Variants in ZNF724 observed in about 807,000 individuals in gnomAD.
ZNF724 encodes zinc finger protein 724 pseudogene.
In ZNF724, 14 loss-of-function variants were observed where a neutral mutation model predicts 29.3. The observed-to-expected ratio is 0.48, with a 90% CI of 0.32 to 0.75. The LOEUF (loss-of-function observed/expected upper bound fraction) is 0.75. Among genes scored for constraint, ZNF724 ranks in the 30% least tolerant of loss-of-function variants. The pLI is 0.04. For missense variants in ZNF724, 557 were observed against 571.2 expected (o/e 0.98, Z 0.25); for synonymous variants, 180 against 193.6 (o/e 0.93, Z 0.58).
chr19:23,238,414 A>C (rs577239754), intron 1 of ZNF724, among the ~76,000 whole-genome samples: 54 of 152,270 alleles, frequency 3.5e-4, no homozygotes, highest in African/African-American at 1.3e-3. Flanking sequence ...AATGGTTCTG[A>C]GGTCCTAGAT....
At chr19:23,232,433 A>G (rs762633908) in intron 1 of ZNF724, 140 bp from the exon 2 acceptor site, 2 of 593,676 alleles carry the variant, frequency 3.4e-6, no homozygotes, top group Non-Finnish European at 6.1e-6. Flanking sequence ...GTAATTTTAA[A>G]GACAGAAATA....
intron 1 of ZNF724, among the ~76,000 whole-genome samples, chr19:23,239,605 T>C (rs542579652): frequency 2.6e-5 from 4 of 152,150 alleles, no homozygotes; most frequent in East Asian, 3.9e-4. Flanking sequence ...CACTAACTAC[T>C]CACATCAAAA....
intron 3 of ZNF724, among the ~76,000 whole-genome samples, chr19:23,228,935 G>A (rs539568527): frequency 3.3e-5 from 5 of 151,628 alleles, no homozygotes; most frequent in African/African-American, 9.7e-5. Context: ...ATGGTGGCGC[G>A]TGCTTATAAT....
chr19:23,223,491 TC>T lies in ZNF724; in HGVS notation c.753del (p.Lys252AsnfsTer23). ...LNTHKIIHTG[E>X]KSYKREECGK... ...CCACATTCTTCACGTTTGTAGGATTTCTCTCCAGTATGAATTATCTTATGTG... is the reference window on the plus strand; with the variant it reads ...CCACATTCTTCACGTTTGTAGGATTTTCTCCAGTATGAATTATCTTATGTG... On this transcript the variant is annotated frameshift_variant, in exon 4 of 4. Coordinates refer to ENST00000418100, the MANE Select transcript of ZNF724 (RefSeq NM_001355404.2). LOFTEE classifies it low-confidence loss of function (END_TRUNC). 1.3e-6 allele frequency: 1 copy of T among 754,194 alleles called. No individual in the cohort carries two copies. The highest frequency in any genetic ancestry group is 2.5e-6 in the Non-Finnish European group (1 of 405,518). The allele number at this position is 754,194 out of a possible 1,614,324, so 46.7% of individuals were successfully genotyped here.
In ZNF724 at chr19:23,222,626, CCA is replaced by C. The variant is rs1311217506; in HGVS notation, c.1617_1618del (p.Cys539TrpfsTer14). 1 of 1,359,568 alleles carries C rather than the reference CCA, an allele frequency of 7.4e-7. No homozygotes were observed. 84.2% of individuals were successfully genotyped at this position (1,359,568 alleles called of 1,614,324 possible). ...GTTTGAGTATTGGTAAAAAGCTTTG[CCA>C]CATTCTTCACATTTGTAGGGTTTCT... On this transcript the variant is annotated frameshift_variant, in exon 4 of 4. Transcript: ENST00000418100. LOFTEE classifies it high-confidence loss of function.
intron 3 of ZNF724, among the ~76,000 whole-genome samples, chr19:23,225,113 A>G (rs2145771566): frequency 6.6e-6 from 1 of 152,364 alleles, no homozygotes; most frequent in East Asian, 1.9e-4. Flanking sequence ...AAATAGAATT[A>G]TAATTAAATA....
At chr19:23,236,604 A>C (rs1972024609) in intron 1 of ZNF724, 1 of 152,464 alleles carries the variant, frequency 6.6e-6, no homozygotes. Context: ...TCTTAAAAAA[A>C]CACTCAGATT....
At position 23,232,300 on chromosome 19, in the gene ZNF724, A is replaced by C. The variant is rs747776436; in HGVS notation, c.4-7T>G. Reference sequence around the variant, plus strand: ...CCATAAATGTCAATGGTCCCTGAAAAGTACACACACACATATTTACGAAGT... The same window carrying C: ...CCATAAATGTCAATGGTCCCTGAAACGTACACACACACATATTTACGAAGT... On this transcript the variant is annotated splice_polypyrimidine_tract_variant and splice_region_variant and intron_variant, in intron 1 of 3. Transcript: ENST00000418100. The C allele has an allele frequency of 2.5e-6, 3 of 1,208,486 alleles. No individual in the cohort carries two copies. Among genetic ancestry groups the C allele is most frequent in the Non-Finnish European group, 1.2e-6 (1 of 815,194 alleles). 74.9% of individuals were successfully genotyped at this position (1,208,486 alleles called of 1,614,324 possible).
intron 3 of ZNF724, 89 bp downstream of exon 3, chr19:23,231,177 C>G: frequency 1.0e-6 from 1 of 998,362 alleles, no homozygotes; most frequent in Non-Finnish European, 1.5e-6. Context: ...GCCACCACAC[C>G]TGGCCCCAAA....
intron 1 of ZNF724, among the ~76,000 whole-genome samples, chr19:23,246,366 T>C (rs533436715): frequency 6.6e-6 from 1 of 152,106 alleles, no homozygotes; most frequent in Non-Finnish European, 1.5e-5. Context: ...TCTTATAAAA[T>C]TTAGCATCGG....
chr19:23,245,180 C>G (rs908415302), intron 1 of ZNF724, among the ~76,000 whole-genome samples: 1 of 152,158 alleles, frequency 6.6e-6, no homozygotes, highest in East Asian at 1.9e-4. Context: ...CTTAGAAAAC[C>G]CAGCTGAATT....
intron 3 of ZNF724, among the ~76,000 whole-genome samples, chr19:23,228,408 C>T (rs377055086): frequency 1.3e-5 from 2 of 150,602 alleles, no homozygotes; most frequent in African/African-American, 2.4e-5. Context: ...GAGCCAAGAT[C>T]GGGCCACTGC....
intron 1 of ZNF724, among the ~76,000 whole-genome samples, chr19:23,249,219 T>G (rs1475001088): frequency 6.7e-6 from 1 of 149,898 alleles, no homozygotes; most frequent in African/African-American, 2.5e-5. Context: ...ATTAAATTAT[T>G]TAATATTTTT....
At position 23,230,163 on chromosome 19, in the gene ZNF724, G is replaced by A. The variant is rs547705941; in HGVS notation, c.226+1103C>T. ...TAGCATTAAAATAATAAATTTCTTA[G>A]AACAAATTTAACCAAGGATCTAAAA... On this transcript the variant is annotated intron_variant, in intron 3 of 3. Coordinates refer to ENST00000418100, the MANE Select transcript of ZNF724 (RefSeq NM_001355404.2). 2.0e-5 allele frequency among the ~76,000 whole-genome samples: 3 copies of A among 152,002 alleles called. No homozygotes were observed. The South Asian group carries it at 6.2e-4, about 32-fold the overall frequency.
At chr19:23,225,974 C>T (rs1045782551) in intron 3 of ZNF724, among the ~76,000 whole-genome samples, 15 of 151,966 alleles carry the variant, frequency 9.9e-5, no homozygotes, top group African/African-American at 2.9e-4. Context: ...CCTTCAATTC[C>T]CCAAGCTGCT....
rs1971758932 is a variant in ZNF724, at chr19:23,223,326, C to T, written c.919G>A (p.Glu307Lys). The change falls in exon 4 of 4, where the codon GAG (glutamate) becomes AAG (lysine). Residue 307 changes from glutamate to lysine, a missense_variant. Glu to Lys is a moderately conservative substitution (Grantham distance 56). Coordinates refer to ENST00000418100, the MANE Select transcript of ZNF724 (RefSeq NM_001355404.2). ...CAATGTTCACATATGTAGGGCTTCT[C>T]TCCAGCATGAATTATCTTATGTCTA... ...LTRHKIIHAGEKPYICEHCGR... is the reference protein window; with the variant it reads ...LTRHKIIHAGKKPYICEHCGR... 2.6e-6 allele frequency: 2 copies of T among 769,170 alleles called. No homozygotes were observed. Among genetic ancestry groups the T allele is most frequent in the Admixed American group, 3.6e-5 (2 of 55,954 alleles). The allele number at this position is 769,170 out of a possible 1,614,324, so 47.6% of individuals were successfully genotyped here.
At chr19:23,237,264 A>C (rs186768302) in intron 1 of ZNF724, among the ~76,000 whole-genome samples, 14 of 152,334 alleles carry the variant, frequency 9.2e-5, no homozygotes, top group African/African-American at 2.9e-4. Flanking sequence ...TTGCATGGTC[A>C]CATCACCCAT....
rs973219898 is a variant in ZNF724 at position 23,222,627 on chromosome 19, C to T, written c.1618G>A (p.Gly540Ser). Residue 540 changes from glycine to serine, a missense_variant, in exon 4 of 4, where the codon GGC (glycine) becomes AGC (serine). This residue lies in a region of ZNF724 where 170 missense variants were observed against 220.7 expected (regional missense o/e 0.77). Transcript: ENST00000418100. ...GEKPYKCEECGKAFYQYSNLT... is the reference protein window; with the variant it reads ...GEKPYKCEECSKAFYQYSNLT... ...TTTGAGTATTGGTAAAAAGCTTTGC[C>T]ACATTCTTCACATTTGTAGGGTTTC... 7.4e-7 allele frequency: 1 copy of T among 1,358,322 alleles called. No homozygotes were observed. The highest frequency in any genetic ancestry group is 1.1e-6 in the Non-Finnish European group (1 of 951,158). The allele number at this position is 1,358,322 out of a possible 1,614,324, so 84.1% of individuals were successfully genotyped here.
chr19:23,240,036 G>T (rs563148602), intron 1 of ZNF724, among the ~76,000 whole-genome samples: 1 of 152,246 alleles, frequency 6.6e-6, no homozygotes, highest in African/African-American at 2.4e-5. Context: ...AGGGGGCCAG[G>T]TGCCGTGACT....
Sources: allele counts gnomAD v4.1 joint callset (sites outside exome capture counted in the v4.1 genomes callset), GRCh38; gene constraint gnomAD v4.1.1; regional missense constraint gnomAD v4.1.1; transcripts MANE v1.5; gene names NCBI Gene and HGNC (gene_info 2026-07-23, HGNC 2026-07-21).